The following CREBRF variants were observed in gnomAD, a reference collection of about 807,000 sequenced individuals.
CREBRF encodes the protein CREB3 regulatory factor.
Under a neutral mutation model 66.1 loss-of-function variants are expected in CREBRF, and 5 were observed. That is an observed-to-expected ratio of 0.08 (90% confidence interval 0.04 to 0.16). CREBRF has a LOEUF of 0.16. Among genes scored for constraint, CREBRF ranks in the 10% least tolerant of loss-of-function variants. CREBRF has a pLI of 1.00. For synonymous variants in CREBRF, 229 were observed against 264.4 expected, an observed-to-expected ratio of 0.87 and a Z score of 1.30; for missense variants, 531 against 744.9, an observed-to-expected ratio of 0.71 and a Z score of 3.34.
chr5:173,092,141 T>C, intron 4 of CREBRF: 2 of 909,424 alleles, frequency 2.2e-6, no homozygotes, highest in Non-Finnish European at 1.3e-6. Context: ...CTCTCTATTA[T>C]AGTTGAGATA....
intron 1 of CREBRF, among the ~76,000 whole-genome samples, chr5:173,073,411 T>G (rs992088778): frequency 1.3e-5 from 2 of 152,198 alleles, no homozygotes; most frequent in African/African-American, 4.8e-5. Flanking sequence ...GGTTTAGAAA[T>G]GTACTTTAAT....
intron 8 of CREBRF, among the ~76,000 whole-genome samples, chr5:173,127,952 T>C (rs1759312665): frequency 6.6e-6 from 1 of 152,218 alleles, no homozygotes; most frequent in African/African-American, 2.4e-5. Flanking sequence ...TTTATTATTT[T>C]GTGTCTGTTC....
chr5:173,108,107 C>T (rs551601027), intron 4 of CREBRF, among the ~76,000 whole-genome samples: 1 of 151,636 alleles, frequency 6.6e-6, no homozygotes, highest in South Asian at 2.1e-4. Flanking sequence ...GCTGGGATTA[C>T]AGGTGTGAGC....
At chr5:173,121,327 G>C (rs2113792511) in intron 7 of CREBRF, among the ~76,000 whole-genome samples, 1 of 143,196 alleles carries the variant, frequency 7.0e-6, no homozygotes, top group Admixed American at 6.8e-5. Flanking sequence ...GAGTTAACTT[G>C]CTTTTTTTTT....
intron 1 of CREBRF, among the ~76,000 whole-genome samples, chr5:173,058,944 T>A (rs1185874133): frequency 6.6e-6 from 1 of 150,390 alleles, no homozygotes; most frequent in Admixed American, 6.6e-5. Context: ...TACAGGCGCG[T>A]GCCACCATGC....
chr5:173,064,559 A>ATT (rs1217486982), intron 1 of CREBRF, among the ~76,000 whole-genome samples: 400 of 107,506 alleles, frequency 3.7e-3, no homozygotes, highest in Non-Finnish European at 4.2e-3. Flanking sequence ...CACCTGGTTA[A>ATT]TTTTTTTTTT....
At chr5:173,116,518 T>C (rs1243466399) in intron 7 of CREBRF, among the ~76,000 whole-genome samples, 3 of 152,208 alleles carry the variant, frequency 2.0e-5, no homozygotes, top group Non-Finnish European at 4.4e-5. Flanking sequence ...TCACTCAGCA[T>C]AATTATTTAA....
chr5:173,084,317 A>G (rs1000670150), intron 2 of CREBRF, among the ~76,000 whole-genome samples: 1 of 152,156 alleles, frequency 6.6e-6, no homozygotes, highest in African/African-American at 2.4e-5. Flanking sequence ...AGAGGAGGAA[A>G]AACAACAACA....
At chr5:173,069,694 T>C (rs1757542960) in intron 1 of CREBRF, among the ~76,000 whole-genome samples, 2 of 152,102 alleles carry the variant, frequency 1.3e-5, no homozygotes, top group African/African-American at 4.8e-5. Flanking sequence ...GCAAGCTTTT[T>C]AGGAATGTTA....
intron 1 of CREBRF, among the ~76,000 whole-genome samples, chr5:173,058,239 C>G (rs56303686): frequency 0.037 from 5,693 of 152,070 alleles, 136 homozygotes; most frequent in South Asian, 0.091. Context: ...ATTTTGGCAT[C>G]CTTTTGGCCT....
At chr5:173,081,615 A>G (rs978627040) in intron 2 of CREBRF, among the ~76,000 whole-genome samples, 13 of 152,170 alleles carry the variant, frequency 8.5e-5, no homozygotes, top group Admixed American at 6.5e-4. Flanking sequence ...GGGACTTGGT[A>G]ATAGATATTG....
At chr5:173,119,825 ATT>A (rs1245458446) in intron 7 of CREBRF, among the ~76,000 whole-genome samples, 1 of 151,942 alleles carries the variant, frequency 6.6e-6, no homozygotes, top group African/African-American at 2.4e-5. Flanking sequence ...GGTGTTGATG[ATT>A]TTTTTGCATC....
intron 7 of CREBRF, among the ~76,000 whole-genome samples, chr5:173,115,761 C>T (rs1337778846): frequency 1.3e-5 from 2 of 152,172 alleles, no homozygotes. Context: ...CCCGCCACCA[C>T]GCCCGGCTAA....
At chr5:173,068,070 G>A (rs1419333867) in intron 1 of CREBRF, 2 of 442,558 alleles carry the variant, frequency 4.5e-6, no homozygotes, top group Non-Finnish European at 9.0e-6. Context: ...GAGTGCACTT[G>A]TTAGGTCCTT....
At chr5:173,076,583 T>C (rs1265141796) in intron 1 of CREBRF, among the ~76,000 whole-genome samples, 1 of 151,912 alleles carries the variant, frequency 6.6e-6, no homozygotes, top group African/African-American at 2.4e-5. Context: ...AAAACCGGTC[T>C]TTACTAAAAA....
intron 1 of CREBRF, among the ~76,000 whole-genome samples, chr5:173,075,930 G>T (rs564853494): frequency 6.6e-6 from 1 of 151,918 alleles, no homozygotes; most frequent in East Asian, 1.9e-4. Context: ...TTAAAGAAAA[G>T]AGATTTATCG....
intron 1 of CREBRF, among the ~76,000 whole-genome samples, chr5:173,065,053 T>G (rs1313793018): frequency 6.6e-6 from 1 of 152,148 alleles, no homozygotes; most frequent in African/African-American, 2.4e-5. Context: ...CATCTTTACC[T>G]TTGAATCCTC....
intron 4 of CREBRF, chr5:173,092,013 T>G: frequency 3.2e-6 from 1 of 311,072 alleles, no homozygotes; most frequent in Non-Finnish European, 4.7e-6. Context: ...CCCAGGAGGC[T>G]GAGGTTGCGG....
chr5:173,123,253 G>A (rs370068865), intron 8 of CREBRF, 51 bp downstream of exon 8: 128 of 1,538,108 alleles, frequency 8.3e-5, no homozygotes, highest in Non-Finnish European at 1.1e-4. Context: ...TGTGTAAGAT[G>A]TATGATTTAA....
Sources: gnomAD v4.1 joint callset for allele counts (sites outside exome capture counted in the v4.1 genomes callset) on GRCh38, gnomAD v4.1.1 for gene constraint, MANE v1.5 for transcripts, NCBI Gene and HGNC (gene_info 2026-07-23, HGNC 2026-07-21) for gene names.